The following NEURL1 variants were observed in gnomAD, a reference collection of about 807,000 sequenced individuals.
NEURL1 encodes the protein neuralized E3 ubiquitin protein ligase 1, also known as E3 ubiquitin-protein ligase NEURL1.
NEURL1 carries 26 observed loss-of-function variants against 41.2 expected under a neutral mutation model. That is an observed-to-expected ratio of 0.63 (90% CI 0.46 to 0.87). The LOEUF (loss-of-function observed/expected upper bound fraction) is 0.87, where lower values mean the gene tolerates loss of function less well. Among genes scored for constraint, NEURL1 ranks in the 40% least tolerant of loss-of-function variants. NEURL1 has a pLI of 0.00. For synonymous variants in NEURL1, 400 were observed against 402.3 expected (o/e 0.99, Z 0.07); for missense variants, 761 against 871.1 (o/e 0.87, Z 1.59).
intron 1 of NEURL1, among the ~76,000 whole-genome samples, chr10:103,533,479 C>T (rs754882559): frequency 2.2e-4 from 33 of 151,888 alleles, no homozygotes; most frequent in South Asian, 8.3e-4. Context: ...AAGTGATTCT[C>T]CTGCCTCAGC....
intron 1 of NEURL1, among the ~76,000 whole-genome samples, chr10:103,552,922 G>A (rs2035064966): frequency 6.6e-6 from 1 of 152,188 alleles, no homozygotes; most frequent in Non-Finnish European, 1.5e-5. Context: ...GGGCCCTAGG[G>A]AGGCTTCCCA....
At position 103,588,263 on chromosome 10, in the gene NEURL1, G is replaced by A. The variant is rs1000913168; in HGVS notation, c.1340-1251G>A. Among the ~76,000 whole-genome samples, 7 of 146,682 alleles carry A rather than the reference G, an allele frequency of 4.8e-5. No individual in the cohort carries two copies. In the South Asian group the frequency reaches 1.1e-3, roughly 22 times the overall value. ...GGAGCTTGCAGTGAGCTGAGATTGC[G>A]CCACTGCACTCCAGCCTGGGCGACA... is the stretch of plus-strand genomic sequence containing the variant. On this transcript the variant is annotated intron_variant, in intron 4 of 5. Coordinates refer to ENST00000369780, the MANE Select transcript of NEURL1 (RefSeq NM_004210.5).
intron 1 of NEURL1, among the ~76,000 whole-genome samples, chr10:103,529,867 G>A: frequency 6.6e-6 from 1 of 152,182 alleles, no homozygotes; most frequent in Non-Finnish European, 1.5e-5. Flanking sequence ...CATGGAAGAT[G>A]TTACTGGAAA....
chr10:103,551,518 G>A (rs1285414136), intron 1 of NEURL1, among the ~76,000 whole-genome samples: 2 of 152,042 alleles, frequency 1.3e-5, no homozygotes, highest in East Asian at 3.9e-4. Flanking sequence ...TGGCAAGGCT[G>A]GTCTTGAACT....
At position 103,585,233 on chromosome 10, in the gene NEURL1, C is replaced by T; in HGVS notation, c.1339+8C>T. 6 of 1,504,692 alleles carry T rather than the reference C, an allele frequency of 4.0e-6. No individual in the cohort carries two copies. Among genetic ancestry groups the T allele is most frequent in the Non-Finnish European group, 5.3e-6 (6 of 1,127,596 alleles). The allele number at this position is 1,504,692 out of a possible 1,614,324, so 93.2% of individuals were successfully genotyped here. Reference sequence around the variant, plus strand: ...CGCAGATCCGCATCCTCGGTGAGTGCCCGCAGCTGCGCCTGGGCGTATGCC... The same window carrying T: ...CGCAGATCCGCATCCTCGGTGAGTGTCCGCAGCTGCGCCTGGGCGTATGCC... On this transcript the variant is annotated splice_region_variant and intron_variant, in intron 4 of 5. Transcript: ENST00000369780.
chr10:103,537,997 T>C (rs2034731193), intron 1 of NEURL1, among the ~76,000 whole-genome samples: 1 of 152,218 alleles, frequency 6.6e-6, no homozygotes, highest in Non-Finnish European at 1.5e-5. Context: ...GTAATGGGAA[T>C]GATACAGTAT....
At chr10:103,512,759 G>T (rs1490805932) in intron 1 of NEURL1, among the ~76,000 whole-genome samples, 1 of 152,146 alleles carries the variant, frequency 6.6e-6, no homozygotes, top group Admixed American at 6.5e-5. Flanking sequence ...GAGGGCTTCA[G>T]GTGTCTCTGT....
chr10:103,563,710 C>CTATCTATTTACAAA (rs1490122846), intron 1 of NEURL1, among the ~76,000 whole-genome samples: 1 of 152,120 alleles, frequency 6.6e-6, no homozygotes, highest in East Asian at 1.9e-4. Flanking sequence ...GTTTTACAAA[C>CTATCTATTTACAAA]ACCATCTATT....
chr10:103,584,867 C>A lies in NEURL1; in HGVS notation c.981C>A (p.Phe327Leu), dbSNP rs1301659021. The change falls in exon 4 of 6, where the codon TTC becomes TTA. Residue 327 changes from phenylalanine (F) to leucine (L), a missense_variant. By Grantham distance (22) the Phe-to-Leu change is conservative. This residue lies in a region of NEURL1 where 443 missense variants were observed against 408.1 expected (regional missense o/e 1.09). Coordinates refer to ENST00000369780, the MANE Select transcript of NEURL1 (RefSeq NM_004210.5). The part of the protein sequence containing the change: ...EHGRDERALV[F>L]TSRPVRVAET... ...GGCGCGACGAGCGCGCGCTCGTCTT[C>A]ACCAGCCGGCCCGTGCGCGTGGCCG... 3 of 1,400,180 alleles carry A rather than the reference C, an allele frequency of 2.1e-6. No individual in the cohort carries two copies. Among genetic ancestry groups the A allele is most frequent in the African/African-American group, 1.5e-5 (1 of 65,402 alleles). The allele number at this position is 1,400,180 out of a possible 1,614,324, so 86.7% of individuals were successfully genotyped here.
intron 3 of NEURL1, among the ~76,000 whole-genome samples, chr10:103,578,590 A>T (rs946494074): frequency 6.6e-6 from 1 of 152,192 alleles, no homozygotes; most frequent in African/African-American, 2.4e-5. Flanking sequence ...TTTTTAAAAA[A>T]GTTTGAGACC....
intron 3 of NEURL1, chr10:103,577,986 T>C (rs982737502): frequency 1.3e-5 from 2 of 152,138 alleles, no homozygotes; most frequent in Non-Finnish European, 2.9e-5. Flanking sequence ...GCCCAAGAGA[T>C]TGTACTGGGG....
chr10:103,589,665 G>A lies in NEURL1; in HGVS notation c.1486+5G>A. ...CTCTGGGTAGCTCTGCTGGTGGTAA[G>A]TAGGCTGGCTCCTCTGTTCCTTGGT... On this transcript the variant is annotated splice_donor_5th_base_variant and intron_variant, in intron 5 of 5. Coordinates refer to ENST00000369780, the MANE Select transcript of NEURL1 (RefSeq NM_004210.5). 2 of 1,606,418 alleles carry A rather than the reference G, an allele frequency of 1.2e-6. No individual in the cohort carries two copies. The highest frequency in any genetic ancestry group is 1.7e-6 in the Non-Finnish European group (2 of 1,175,378).
chr10:103,564,792 C>T (rs1184134831), intron 1 of NEURL1, among the ~76,000 whole-genome samples: 2 of 152,184 alleles, frequency 1.3e-5, no homozygotes, highest in Admixed American at 1.3e-4. Context: ...CCCCTCTGGA[C>T]CCTTGGCATC....
At chr10:103,517,363 A>C (rs2034240227) in intron 1 of NEURL1, 1 of 152,196 alleles carries the variant, frequency 6.6e-6, no homozygotes, top group Admixed American at 6.5e-5. Flanking sequence ...TCAAACTTCT[A>C]ATAATAAACA....
chr10:103,507,242 C>T (rs2033968244), intron 1 of NEURL1, among the ~76,000 whole-genome samples: 3 of 152,080 alleles, frequency 2.0e-5, no homozygotes, highest in Admixed American at 1.3e-4. Flanking sequence ...CAAGTGCTGG[C>T]CCTAAATGTG....
rs138974707 is a variant in NEURL1, at chr10:103,547,232, TA to T, written c.86-23639del. On this transcript the variant is annotated intron_variant, in intron 1 of 5. Transcript: ENST00000369780. ...GGAGCCTACTCTTAATTGCCACCTC[TA>T]CTGTGAAGCCCCTAGTGTAGACAAC... Among the ~76,000 whole-genome samples the T allele has an allele frequency of 3.3e-5, 5 of 152,350 alleles. No individual in the cohort carries two copies. The East Asian group carries it at 9.6e-4, about 29-fold the overall frequency.
intron 1 of NEURL1, among the ~76,000 whole-genome samples, chr10:103,528,345 A>G (rs2034503247): frequency 6.6e-6 from 1 of 152,094 alleles, no homozygotes; most frequent in Non-Finnish European, 1.5e-5. Context: ...ACAGAGTGAA[A>G]CTCTGTCTCA....
chr10:103,549,352 G>A (rs1394072668), intron 1 of NEURL1, among the ~76,000 whole-genome samples: 1 of 152,184 alleles, frequency 6.6e-6, no homozygotes. Context: ...CCCCGAGGAC[G>A]CCCTCTGGGC....
At position 103,570,894 on chromosome 10, in the gene NEURL1, C is replaced by T. The variant is rs749773657; in HGVS notation, c.108C>T (p.Pro36=). The part of the protein sequence containing the change: ...NLKDSIGGPF[P]VTSHRCHHKQ... ...CAGACTCTATCGGGGGCCCCTTCCC[C>T]GTCACTTCTCACCGATGCCACCACA... The change falls in exon 2 of 6, where the codon CCC becomes CCT. Residue 36 remains proline, a synonymous_variant. Transcript: ENST00000369780. 6 of 1,613,466 alleles carry T rather than the reference C, an allele frequency of 3.7e-6. No homozygotes were observed. Among genetic ancestry groups the T allele is most frequent in the African/African-American group, 1.3e-5 (1 of 74,880 alleles).
Sources: allele counts gnomAD v4.1 joint callset (sites outside exome capture counted in the v4.1 genomes callset), GRCh38; gene constraint gnomAD v4.1.1; regional missense constraint gnomAD v4.1.1; transcripts MANE v1.5; gene names NCBI Gene and HGNC (gene_info 2026-07-23, HGNC 2026-07-21).